CCSER2: variants seen among roughly 807,000 people sequenced by gnomAD.
CCSER2 encodes the protein serine-rich coiled-coil domain-containing protein 2.
A neutral mutation model predicts 92.3 loss-of-function variants in CCSER2; 46 were observed. That is an observed-to-expected ratio of 0.50 (90% confidence interval 0.39 to 0.64). CCSER2 has a LOEUF of 0.64. Ranked by LOEUF, CCSER2 falls within the 30% of genes least tolerant of loss-of-function variation. The probability of loss-of-function intolerance (pLI) is 0.00; values close to 1 mark genes in which losing one functional copy is unlikely to be tolerated. For synonymous variants in CCSER2, 433 were observed against 431.4 expected, an observed-to-expected ratio of 1.00 and a Z score of -0.04; for missense variants, 1,244 against 1,238.9, an observed-to-expected ratio of 1.00 and a Z score of -0.06.
chr10:84,352,167 G>A (rs897883544), intron 1 of CCSER2, among the ~76,000 whole-genome samples: 5 of 152,118 alleles, frequency 3.3e-5, no homozygotes, highest in African/African-American at 1.2e-4. Context: ...AGCTGGGTGT[G>A]GTGGCACACG....
intron 5 of CCSER2, among the ~76,000 whole-genome samples, chr10:84,435,672 AAT>A (rs201314699): frequency 9.7e-5 from 14 of 144,886 alleles, no homozygotes; most frequent in African/African-American, 4.0e-4. Context: ...ACAACAAAAA[AAT>A]AAATAACCAA....
At chr10:84,447,988 C>G (rs866963685) in intron 6 of CCSER2, among the ~76,000 whole-genome samples, 4 of 152,178 alleles carry the variant, frequency 2.6e-5, no homozygotes, top group Admixed American at 1.3e-4. Flanking sequence ...GATTCTGAAT[C>G]CTTATGCATG....
chr10:84,489,188 G>A (rs1847991862), intron 9 of CCSER2, among the ~76,000 whole-genome samples: 1 of 152,202 alleles, frequency 6.6e-6, no homozygotes, highest in Non-Finnish European at 1.5e-5. Context: ...TAAGTGTGAT[G>A]TGGTGCTGAG....
intron 1 of CCSER2, among the ~76,000 whole-genome samples, chr10:84,349,111 TAAAGAGCAAAG>T (rs941154642): frequency 6.6e-6 from 1 of 152,188 alleles, no homozygotes; most frequent in Non-Finnish European, 1.5e-5. Flanking sequence ...GACTGCTTTT[TAAAGAGCAAAG>T]AATGAGTCAT....
At chr10:84,382,033 A>G (rs935641716) in intron 3 of CCSER2, among the ~76,000 whole-genome samples, 1 of 151,668 alleles carries the variant, frequency 6.6e-6, no homozygotes, top group Non-Finnish European at 1.5e-5. Context: ...CTCCATTGGG[A>G]GAGGACTCTT....
chr10:84,442,405 A>C (rs149150398), intron 6 of CCSER2, among the ~76,000 whole-genome samples: 1 of 152,354 alleles, frequency 6.6e-6, no homozygotes, highest in Non-Finnish European at 1.5e-5. Flanking sequence ...ATGGAAATTT[A>C]CTAAAATGGA....
intron 9 of CCSER2, among the ~76,000 whole-genome samples, chr10:84,481,376 AT>A (rs1384647859): frequency 4.3e-4 from 65 of 151,764 alleles, no homozygotes; most frequent in Non-Finnish European, 2.8e-4. Flanking sequence ...AATACACAAA[AT>A]TTTTTATATA....
At chr10:84,378,617 TAG>T (rs1204933077) in intron 3 of CCSER2, among the ~76,000 whole-genome samples, 1 of 152,088 alleles carries the variant, frequency 6.6e-6, no homozygotes, top group Non-Finnish European at 1.5e-5. Context: ...GTATTTTTAG[TAG>T]AGACAGGGTT....
chr10:84,513,275 TTGTA>T (rs1466165467), intron 9 of CCSER2, among the ~76,000 whole-genome samples, 170 bp from the exon 10 acceptor site: 2 of 152,328 alleles, frequency 1.3e-5, no homozygotes, highest in African/African-American at 2.4e-5. Flanking sequence ...ATTATCACTC[TTGTA>T]TGTGTCTAAT....
intron 9 of CCSER2, among the ~76,000 whole-genome samples, chr10:84,486,017 G>A (rs1847787845): frequency 6.6e-6 from 1 of 152,156 alleles, no homozygotes; most frequent in Non-Finnish European, 1.5e-5. Context: ...TCTTGCGATA[G>A]TTTGCTGAGA....
intron 9 of CCSER2, among the ~76,000 whole-genome samples, chr10:84,497,326 A>G (rs1013321157): frequency 2.6e-5 from 4 of 152,256 alleles, no homozygotes; most frequent in Admixed American, 6.5e-5. Flanking sequence ...AATGAGTAAC[A>G]TTCTTTGTCT....
At chr10:84,501,832 A>AT (rs1447622843) in intron 9 of CCSER2, among the ~76,000 whole-genome samples, 9 of 31,042 alleles carry the variant, frequency 2.9e-4, no homozygotes, top group South Asian at 1.2e-3. Flanking sequence ...GAAAAAAAAA[A>AT]AAATATATAT....
At chr10:84,446,634 C>A (rs144249979) in intron 6 of CCSER2, among the ~76,000 whole-genome samples, 14 of 152,218 alleles carry the variant, frequency 9.2e-5, no homozygotes, top group Admixed American at 6.5e-5. Flanking sequence ...ATATATACAA[C>A]ATAAGGGTTC....
intron 5 of CCSER2, among the ~76,000 whole-genome samples, chr10:84,436,360 G>C (rs1246298709): frequency 8.9e-6 from 1 of 112,496 alleles, no homozygotes; most frequent in Admixed American, 1.0e-4. Flanking sequence ...AAAATGCCGG[G>C]CGCGGTGTCT....
intron 3 of CCSER2, among the ~76,000 whole-genome samples, chr10:84,401,556 A>G (rs1842122009): frequency 6.6e-6 from 1 of 152,220 alleles, no homozygotes; most frequent in South Asian, 2.1e-4. Context: ...AAAAAATTCC[A>G]AAAAAGATCT....
At chr10:84,390,796 C>T in intron 3 of CCSER2, 1 of 482,652 alleles carries the variant, frequency 2.1e-6, no homozygotes, top group Non-Finnish European at 3.8e-6. Flanking sequence ...ACTATTAATA[C>T]ATGGATTATT....
intron 3 of CCSER2, among the ~76,000 whole-genome samples, chr10:84,386,899 A>T (rs931940880): frequency 6.6e-6 from 1 of 152,198 alleles, no homozygotes; most frequent in African/African-American, 2.4e-5. Flanking sequence ...ACACATGGAC[A>T]TAAACATGGA....
chr10:84,494,411 T>TTG (rs1387022046), intron 9 of CCSER2, among the ~76,000 whole-genome samples: 1 of 152,182 alleles, frequency 6.6e-6, no homozygotes, highest in Non-Finnish European at 1.5e-5. Flanking sequence ...GGCAGGGTCT[T>TTG]TGTGAACTGT....
chr10:84,345,851 G>C (rs1359803629), intron 1 of CCSER2, among the ~76,000 whole-genome samples: 1 of 151,968 alleles, frequency 6.6e-6, no homozygotes, highest in Non-Finnish European at 1.5e-5. Flanking sequence ...AAGATTTTGG[G>C]ATTGTGTATA....
Sources: gnomAD v4.1 joint callset for allele counts (sites outside exome capture counted in the v4.1 genomes callset) on GRCh38, gnomAD v4.1.1 for gene constraint, MANE v1.5 for transcripts, NCBI Gene and HGNC (gene_info 2026-07-23, HGNC 2026-07-21) for gene names.